The following DLG2 variants were observed in gnomAD, a reference collection of about 807,000 sequenced individuals.
DLG2 encodes the protein discs large MAGUK scaffold protein 2, also known as disks large homolog 2.
In DLG2, 45 loss-of-function variants were observed where a neutral mutation model predicts 132.5. The observed-to-expected ratio is 0.34, with a 90% confidence interval of 0.27 to 0.44. The LOEUF (loss-of-function observed/expected upper bound fraction) is 0.44, where lower values mean the gene tolerates loss of function less well. Among genes scored for constraint, DLG2 ranks in the 20% least tolerant of loss-of-function variants. The probability of loss-of-function intolerance (pLI) is 1.00; values close to 1 mark genes in which losing one functional copy is unlikely to be tolerated. For synonymous variants in DLG2, 424 were observed against 419.6 expected, an observed-to-expected ratio of 1.01 and a Z score of -0.13; for missense variants, 1,045 against 1,196.9, an observed-to-expected ratio of 0.87 and a Z score of 1.87.
At chr11:85,228,351 A>G (rs1350141204) in intron 4 of DLG2, among the ~76,000 whole-genome samples, 1 of 152,140 alleles carries the variant, frequency 6.6e-6, no homozygotes, top group East Asian at 1.9e-4. Context: ...AAAACGGAAG[A>G]ACAGTATTTC....
intron 19 of DLG2, among the ~76,000 whole-genome samples, chr11:83,589,773 T>C (rs2097155534): frequency 6.7e-6 from 1 of 148,912 alleles, no homozygotes; most frequent in Non-Finnish European, 1.5e-5. Context: ...ACACATAGGC[T>C]CAAAATAAAA....
intron 16 of DLG2, among the ~76,000 whole-genome samples, chr11:83,866,282 T>C (rs1194174494): frequency 2.0e-5 from 3 of 152,122 alleles, no homozygotes; most frequent in African/African-American, 7.2e-5. Context: ...GAGGTAATGG[T>C]GCAAATGTCA....
intron 3 of DLG2, among the ~76,000 whole-genome samples, chr11:85,382,299 A>G (rs998641236): frequency 1.3e-5 from 2 of 152,170 alleles, no homozygotes; most frequent in Admixed American, 6.5e-5. Flanking sequence ...TGTTTTGGGG[A>G]CAATTGAAAA....
At chr11:85,533,782 C>T (rs745681962) in intron 3 of DLG2, among the ~76,000 whole-genome samples, 5 of 152,114 alleles carry the variant, frequency 3.3e-5, no homozygotes, top group South Asian at 4.1e-4. Flanking sequence ...TTAGGTTCAG[C>T]GCTACGCCTG....
At chr11:84,423,415 T>A (rs1274286800) in intron 7 of DLG2, among the ~76,000 whole-genome samples, 1 of 152,168 alleles carries the variant, frequency 6.6e-6, no homozygotes, top group Non-Finnish European at 1.5e-5. Context: ...AACTGATGTG[T>A]TAAAAAATAA....
intron 3 of DLG2, among the ~76,000 whole-genome samples, chr11:85,381,015 A>G (rs1226522154): frequency 4.6e-5 from 7 of 152,172 alleles, no homozygotes; most frequent in Non-Finnish European, 1.0e-4. Context: ...TCCCAGAAAA[A>G]CTTAGGTAAA....
intron 21 of DLG2, among the ~76,000 whole-genome samples, chr11:83,520,695 G>GATAGATAGATAGA (rs1565616703): frequency 0.12 from 18,334 of 149,052 alleles, 1,297 homozygotes; most frequent in Non-Finnish European, 0.14. Context: ...AAGTAGGTAG[G>GATAGATAGATAGA]TAGATAGATA....
intron 18 of DLG2, among the ~76,000 whole-genome samples, chr11:83,755,828 T>C (rs1418482731): frequency 6.6e-6 from 1 of 151,376 alleles, no homozygotes; most frequent in Non-Finnish European, 1.5e-5. Flanking sequence ...TACAGATATC[T>C]TGAAATTTGG....
At chr11:83,798,932 C>T (rs2043574309) in intron 17 of DLG2, among the ~76,000 whole-genome samples, 1 of 152,166 alleles carries the variant, frequency 6.6e-6, no homozygotes, top group African/African-American at 2.4e-5. Context: ...AGCTAAGGAG[C>T]TGCTCTGAAA....
At chr11:83,565,279 CA>C (rs1393637165) in intron 19 of DLG2, among the ~76,000 whole-genome samples, 1 of 152,162 alleles carries the variant, frequency 6.6e-6, no homozygotes, top group Non-Finnish European at 1.5e-5. Flanking sequence ...ACTCACATCT[CA>C]AACTGTTCAC....
At chr11:85,252,973 T>C (rs2076473530) in intron 4 of DLG2, among the ~76,000 whole-genome samples, 1 of 152,212 alleles carries the variant, frequency 6.6e-6, no homozygotes, top group Non-Finnish European at 1.5e-5. Flanking sequence ...TTCTCAAATT[T>C]TTTAAAAAAT....
intron 13 of DLG2, among the ~76,000 whole-genome samples, 164 bp downstream of exon 13, chr11:83,965,160 G>A (rs1403529212): frequency 6.6e-6 from 1 of 151,970 alleles, no homozygotes; most frequent in Non-Finnish European, 1.5e-5. Context: ...CAGGAGGTAA[G>A]GGCCTGCAAG....
chr11:84,667,498 GT>G (rs57863742), intron 6 of DLG2, among the ~76,000 whole-genome samples: 3 of 122,270 alleles, frequency 2.5e-5, no homozygotes, highest in Non-Finnish European at 4.9e-5. Context: ...TTTGTTTTTT[GT>G]TTTTTTTTTT....
intron 7 of DLG2, among the ~76,000 whole-genome samples, chr11:84,429,060 G>A (rs961101385): frequency 5.3e-5 from 8 of 152,128 alleles, no homozygotes; most frequent in African/African-American, 1.9e-4. Context: ...AAGAAAAAAG[G>A]CATTTGAAAA....
intron 7 of DLG2, among the ~76,000 whole-genome samples, chr11:84,517,439 A>G (rs556574382): frequency 6.6e-6 from 1 of 152,074 alleles, no homozygotes; most frequent in Admixed American, 6.6e-5. Flanking sequence ...GTAAAAAAAC[A>G]ATGAGATATC....
chr11:85,271,837 T>G (rs189741239), intron 4 of DLG2, among the ~76,000 whole-genome samples: 1 of 152,360 alleles, frequency 6.6e-6, no homozygotes, highest in African/African-American at 2.4e-5. Context: ...TCACTTGCTT[T>G]TTATTTTACA....
rs116080364 is a variant in DLG2 at position 84,911,551 on chromosome 11, T to A, written c.357+200110A>T. On this transcript the variant is annotated intron_variant, in intron 6 of 27. Coordinates refer to ENST00000376104, the MANE Select transcript of DLG2 (RefSeq NM_001142699.3). ...TTTTAAGCTTTTTTACATGCTCCAA[T>A]ACAACTTACAAATGAATAAGGTTTT... Among the ~76,000 whole-genome samples, 772 of 152,174 alleles carry A rather than the reference T, an allele frequency of 5.1e-3. 5 individuals carry two copies. The highest frequency in any genetic ancestry group is 0.018 in the African/African-American group (755 of 41,564).
chr11:85,243,226 G>C (rs1222056159), intron 4 of DLG2, among the ~76,000 whole-genome samples: 1 of 151,804 alleles, frequency 6.6e-6, no homozygotes, highest in African/African-American at 2.4e-5. Flanking sequence ...TTTGAGAGAG[G>C]AGACTAGAAG....
intron 6 of DLG2, among the ~76,000 whole-genome samples, chr11:85,039,083 T>C (rs1208962984): frequency 6.6e-6 from 1 of 151,990 alleles, no homozygotes; most frequent in African/African-American, 2.4e-5. Context: ...TTAAATTACA[T>C]AGTCATTTTA....
Sources: allele counts gnomAD v4.1 joint callset (sites outside exome capture counted in the v4.1 genomes callset), GRCh38; gene constraint gnomAD v4.1.1; transcripts MANE v1.5; gene names NCBI Gene and HGNC (gene_info 2026-07-23, HGNC 2026-07-21).